Variants in ST6GALNAC3 observed in about 807,000 individuals in gnomAD.
ST6GALNAC3 encodes the protein alpha-N-acetylgalactosaminide alpha-2,6-sialyltransferase 3.
Under a neutral mutation model 32.7 loss-of-function variants are expected in ST6GALNAC3, and 25 were observed. The observed-to-expected ratio is 0.76, with a 90% CI of 0.56 to 1.07. The LOEUF (loss-of-function observed/expected upper bound fraction) is 1.07. Among genes scored for constraint, ST6GALNAC3 ranks in the 50% least tolerant of loss-of-function variants. ST6GALNAC3 has a pLI of 0.00. For missense variants in ST6GALNAC3, 355 were observed against 382.4 expected (o/e 0.93, Z 0.60); for synonymous variants, 129 against 133.1 (o/e 0.97, Z 0.21).
chr1:76,579,265 A>T (rs576188900), intron 3 of ST6GALNAC3, among the ~76,000 whole-genome samples: 1 of 152,178 alleles, frequency 6.6e-6, no homozygotes, highest in Non-Finnish European at 1.5e-5. Context: ...GCTCCAGAAA[A>T]TACCAACTCA....
chr1:76,497,143 G>A (rs1251500839), intron 3 of ST6GALNAC3, among the ~76,000 whole-genome samples: 1 of 152,104 alleles, frequency 6.6e-6, no homozygotes, highest in African/African-American at 2.4e-5. Context: ...TCTGTGGAAG[G>A]GGTAGCCACA....
intron 1 of ST6GALNAC3, among the ~76,000 whole-genome samples, chr1:76,105,997 G>A (rs551954): frequency 0.16 from 24,974 of 152,060 alleles, 2,276 homozygotes; most frequent in Non-Finnish European, 0.19. Flanking sequence ...CTGTGTGCAG[G>A]TATTTGCTCT....
intron 1 of ST6GALNAC3, among the ~76,000 whole-genome samples, chr1:76,266,417 G>A (rs1416429199): frequency 6.6e-6 from 1 of 152,194 alleles, no homozygotes; most frequent in African/African-American, 2.4e-5. Context: ...TGTCTCAGAG[G>A]AAGGGCAACC....
chr1:76,155,161 G>A (rs1651316224), intron 1 of ST6GALNAC3, among the ~76,000 whole-genome samples: 1 of 152,146 alleles, frequency 6.6e-6, no homozygotes, highest in African/African-American at 2.4e-5. Flanking sequence ...ACAGGGTCTA[G>A]AAGTGGTTGT....
In ST6GALNAC3 at chr1:76,634,042, C is replaced by CTTT; in HGVS notation, c.*5245_*5247dup. 2.4e-6 allele frequency: 1 copy of CTTT among 420,960 alleles called. No individual in the cohort carries two copies. Among genetic ancestry groups the CTTT allele is most frequent in the Non-Finnish European group, 3.1e-6 (1 of 318,588 alleles). 26.1% of individuals were successfully genotyped at this position (420,960 alleles called of 1,614,324 possible). A position where few individuals can be genotyped will look rare whatever the true frequency, so the allele number is the denominator to read the frequency against. ...GCAGAAAATCTCATTTAGTTTTTTTCTTTTTTTTTTTCAGTTAACTACTTG... is the reference window on the plus strand; with the variant it reads ...GCAGAAAATCTCATTTAGTTTTTTTCTTTTTTTTTTTTTTCAGTTAACTACTTG... On this transcript the variant is annotated 3_prime_UTR_variant, in exon 5 of 5. Coordinates refer to ENST00000328299, the MANE Select transcript of ST6GALNAC3 (RefSeq NM_152996.4).
chr1:76,382,339 A>G (rs1651772813), intron 2 of ST6GALNAC3, among the ~76,000 whole-genome samples: 1 of 152,206 alleles, frequency 6.6e-6, no homozygotes, highest in Non-Finnish European at 1.5e-5. Context: ...CAATACAACT[A>G]TGATTAATAT....
chr1:76,356,275 G>A (rs1402350943), intron 2 of ST6GALNAC3, among the ~76,000 whole-genome samples: 1 of 152,070 alleles, frequency 6.6e-6, no homozygotes, highest in Non-Finnish European at 1.5e-5. Context: ...GATGTTGCCT[G>A]TTGTCTTCAA....
At chr1:76,132,194 C>G (rs770574519) in intron 1 of ST6GALNAC3, among the ~76,000 whole-genome samples, 30 of 152,174 alleles carry the variant, frequency 2.0e-4, no homozygotes, top group Admixed American at 3.9e-4. Context: ...AGCCTTTGGC[C>G]CTACCCCAAT....
At chr1:76,117,561 AT>A (rs1648562454) in intron 1 of ST6GALNAC3, among the ~76,000 whole-genome samples, 1 of 152,188 alleles carries the variant, frequency 6.6e-6, no homozygotes, top group Non-Finnish European at 1.5e-5. Context: ...CATTTTCATA[AT>A]TCTGTCTTTG....
intron 1 of ST6GALNAC3, chr1:76,305,817 A>G: frequency 4.2e-6 from 2 of 473,712 alleles, no homozygotes; most frequent in South Asian, 3.2e-5. Flanking sequence ...TCAGTTTTCC[A>G]GACAAAGAAA....
chr1:76,167,168 A>G (rs1488180605), intron 1 of ST6GALNAC3, among the ~76,000 whole-genome samples: 1 of 152,130 alleles, frequency 6.6e-6, no homozygotes, highest in Admixed American at 6.6e-5. Context: ...TTTGAGGTAT[A>G]TTCATTTAAT....
intron 1 of ST6GALNAC3, among the ~76,000 whole-genome samples, chr1:76,171,082 G>T (rs1400027385): frequency 7.2e-6 from 1 of 138,954 alleles, no homozygotes; most frequent in Non-Finnish European, 1.6e-5. Context: ...GTTATTCATT[G>T]AGAGGGGTGT....
intron 3 of ST6GALNAC3, among the ~76,000 whole-genome samples, chr1:76,540,653 T>C (rs1313836830): frequency 6.6e-6 from 1 of 152,178 alleles, no homozygotes; most frequent in Non-Finnish European, 1.5e-5. Flanking sequence ...TTTTTTCTTA[T>C]ATGGTATAAA....
intron 3 of ST6GALNAC3, among the ~76,000 whole-genome samples, chr1:76,607,908 ATTTGCAGCTCTTATCT>A (rs986345280): frequency 3.3e-5 from 5 of 152,300 alleles, no homozygotes; most frequent in African/African-American, 1.2e-4. Flanking sequence ...CAAATGTAGC[ATTTGCAGCTCTTATCT>A]TTTGCAGCTA....
intron 1 of ST6GALNAC3, among the ~76,000 whole-genome samples, chr1:76,207,606 G>A (rs1371996961): frequency 1.3e-5 from 2 of 152,134 alleles, no homozygotes; most frequent in African/African-American, 4.8e-5. Flanking sequence ...CCACTTTGTC[G>A]ACAACTAGCC....
At chr1:76,416,110 A>G (rs574183689) in intron 3 of ST6GALNAC3, among the ~76,000 whole-genome samples, 1 of 152,014 alleles carries the variant, frequency 6.6e-6, no homozygotes, top group South Asian at 2.1e-4. Flanking sequence ...ACAACAAGCA[A>G]TATAATTATG....
chr1:76,314,047 C>T lies in ST6GALNAC3; in HGVS notation c.213+48C>T, dbSNP rs1570789615. On this transcript the variant is annotated intron_variant, in intron 2 of 4. Coordinates refer to ENST00000328299, the MANE Select transcript of ST6GALNAC3 (RefSeq NM_152996.4). ...AGCAGTTGGAGAGTATCCATGGTAA[C>T]AGCTTTTCTTTAGGAGCCAGAGGGC... is the stretch of plus-strand genomic sequence containing the variant. The T allele has an allele frequency of 5.1e-6, 8 of 1,560,738 alleles. No individual in the cohort carries two copies. The African/African-American group carries it at 9.5e-5, about 19-fold the overall frequency.
At chr1:76,197,878 T>G (rs1654295778) in intron 1 of ST6GALNAC3, among the ~76,000 whole-genome samples, 1 of 152,214 alleles carries the variant, frequency 6.6e-6, no homozygotes, top group Admixed American at 6.5e-5. Context: ...GCCTTTGTCC[T>G]AAATACCAAG....
At chr1:76,418,875 G>A (rs764340023) in intron 3 of ST6GALNAC3, among the ~76,000 whole-genome samples, 2 of 151,708 alleles carry the variant, frequency 1.3e-5, no homozygotes, top group Non-Finnish European at 2.9e-5. Context: ...ATTTATGATG[G>A]CATTCAGTGA....
Sources: gnomAD v4.1 joint callset for allele counts (sites outside exome capture counted in the v4.1 genomes callset) on GRCh38, gnomAD v4.1.1 for gene constraint, MANE v1.5 for transcripts, NCBI Gene and HGNC (gene_info 2026-07-23, HGNC 2026-07-21) for gene names.